The following FGF2 variants were observed in gnomAD, a reference collection of about 807,000 sequenced individuals.
FGF2 encodes fibroblast growth factor 2.
Under a neutral mutation model 15.9 loss-of-function variants are expected in FGF2, and 13 were observed. That is an observed-to-expected ratio of 0.82 (90% CI 0.53 to 1.30). FGF2 has a LOEUF of 1.30. Ranked by LOEUF, FGF2 falls within the 50% of genes most tolerant of loss-of-function variation. FGF2 has a pLI of 0.00. For missense variants in FGF2, 163 were observed against 196.9 expected (o/e 0.83, Z 1.03); for synonymous variants, 90 against 78.4 (o/e 1.15, Z -0.78).
At chr4:122,833,152 T>G (rs1020918472) in intron 1 of FGF2, among the ~76,000 whole-genome samples, 8 of 151,742 alleles carry the variant, frequency 5.3e-5, no homozygotes, top group African/African-American at 1.9e-4. Context: ...TCTTTGATAC[T>G]TACTCATTTA....
At position 122,876,345 on chromosome 4, in the gene FGF2, A is replaced by C. The variant is rs1307758440; in HGVS notation, c.203A>C (p.Glu68Ala). The C allele has an allele frequency of 6.2e-7, 1 of 1,612,440 alleles. No individual in the cohort carries two copies. Among genetic ancestry groups the C allele is most frequent in the African/African-American group, 1.3e-5 (1 of 74,822 alleles). ...GTCAAGCTACAACTTCAAGCAGAAG[A>C]GAGAGGAGTTGTGTCTATCAAAGGA... ...PHIKLQLQAE[E>A]RGVVSIKGVC... The change falls in exon 2 of 3, where the codon GAG (glutamate) becomes GCG (alanine). Residue 68 changes from glutamate (E) to alanine (A), a missense_variant. Physicochemically the swap from Glu to Ala is moderately radical, Grantham distance 107. Coordinates refer to ENST00000644866, the MANE Select transcript of FGF2 (RefSeq NM_001361665.2).
At position 122,826,909 on chromosome 4, in the gene FGF2, G is replaced by T. The variant is rs778297907; in HGVS notation, c.-266G>T. 6.7e-7 allele frequency: 1 copy of T among 1,502,286 alleles called. No homozygotes were observed. The highest frequency in any genetic ancestry group is 8.9e-7 in the Non-Finnish European group (1 of 1,127,638). 93.1% of individuals were successfully genotyped at this position (1,502,286 alleles called of 1,614,324 possible). On this transcript the variant is annotated 5_prime_UTR_variant, in exon 1 of 3. Coordinates refer to ENST00000644866, the MANE Select transcript of FGF2 (RefSeq NM_001361665.2). ...GCTTGGGAGGCGGCTCTCCCCAGGC[G>T]GCGTCCGCGGAGACACCCATCCGTG... is the stretch of plus-strand genomic sequence containing the variant.
chr4:122,865,742 C>T (rs544816308), intron 1 of FGF2, among the ~76,000 whole-genome samples: 1 of 152,114 alleles, frequency 6.6e-6, no homozygotes, highest in African/African-American at 2.4e-5. Context: ...ATAATTTATT[C>T]TTGGGAACGT....
chr4:122,838,312 A>C (rs1412616175), intron 1 of FGF2, among the ~76,000 whole-genome samples: 3 of 152,170 alleles, frequency 2.0e-5, no homozygotes, highest in Non-Finnish European at 4.4e-5. Flanking sequence ...TTTGGCCTTT[A>C]CCACTGCACT....
chr4:122,889,528 A>C (rs2150791221), intron 2 of FGF2, among the ~76,000 whole-genome samples: 1 of 152,312 alleles, frequency 6.6e-6, no homozygotes, highest in South Asian at 2.1e-4. Context: ...TGAAAATTGT[A>C]CATATGTTGC....
chr4:122,891,645 T>C (rs1049040590), intron 2 of FGF2, among the ~76,000 whole-genome samples: 1 of 152,208 alleles, frequency 6.6e-6, no homozygotes, highest in Non-Finnish European at 1.5e-5. Context: ...TTATTATGCC[T>C]TAAAAAACAT....
chr4:122,864,833 G>A (rs1726538937), intron 1 of FGF2, among the ~76,000 whole-genome samples: 1 of 151,960 alleles, frequency 6.6e-6, no homozygotes, highest in East Asian at 1.9e-4. Flanking sequence ...CTTATTTTCA[G>A]TTGTGTTTAA....
intron 1 of FGF2, among the ~76,000 whole-genome samples, chr4:122,838,242 G>A (rs905221538): frequency 5.9e-5 from 9 of 152,302 alleles, no homozygotes; most frequent in African/African-American, 2.2e-4. Context: ...GACAATGAGG[G>A]AGACTGCCAT....
At chr4:122,837,953 T>C (rs1725899241) in intron 1 of FGF2, among the ~76,000 whole-genome samples, 1 of 152,210 alleles carries the variant, frequency 6.6e-6, no homozygotes, top group African/African-American at 2.4e-5. Context: ...AATGTGTTTC[T>C]AAGTGTTAGT....
chr4:122,872,051 A>T (rs968850163), intron 1 of FGF2, among the ~76,000 whole-genome samples: 2 of 152,200 alleles, frequency 1.3e-5, no homozygotes, highest in Non-Finnish European at 2.9e-5. Flanking sequence ...CAGGCTTCAG[A>T]AGATGGGTAA....
At chr4:122,839,647 T>C (rs75734587) in intron 1 of FGF2, among the ~76,000 whole-genome samples, 3,797 of 152,306 alleles carry the variant, frequency 0.025, 145 homozygotes, top group East Asian at 0.12. Flanking sequence ...GAATTTCTAC[T>C]ATGTCGTTTT....
At chr4:122,890,916 G>A (rs1727161300) in intron 2 of FGF2, among the ~76,000 whole-genome samples, 1 of 151,124 alleles carries the variant, frequency 6.6e-6, no homozygotes, top group African/African-American at 2.4e-5. Context: ...TAATTATAAT[G>A]TAAAAATGAT....
chr4:122,834,913 C>T (rs1725833115), intron 1 of FGF2, among the ~76,000 whole-genome samples: 3 of 152,254 alleles, frequency 2.0e-5, no homozygotes, highest in South Asian at 4.1e-4. Flanking sequence ...GTGCAGATAA[C>T]ACCACTATTG....
chr4:122,870,413 T>A (rs1444957181), intron 1 of FGF2, among the ~76,000 whole-genome samples: 1 of 152,204 alleles, frequency 6.6e-6, no homozygotes. Context: ...ATATCAGCTC[T>A]TCTTTGTATT....
Position 122,827,352 on chromosome 4 carries a change from A to G in FGF2, c.178A>G (p.Ile60Val), listed in dbSNP as rs1404216863. Residue 60 changes from isoleucine (I) to valine (V), a missense_variant and splice_region_variant, in exon 1 of 3, where the codon ATC becomes GTC. By Grantham distance (29) the Ile-to-Val change is conservative (BLOSUM62 3). Transcript: ENST00000644866. This position sits in a 1 kb window ranked among gnomAD's most constrained non-coding sequence, Gnocchi z 4.2. ...GGTCCGGGAGAAGAGCGACCCTCAC[A>G]GTGAGTGCCGACCCGCTCTCTCCGC... ...DGVREKSDPH[I>V]KLQLQAEERG... The G allele has an allele frequency of 6.2e-7, 1 of 1,612,576 alleles. No individual in the cohort carries two copies. Among genetic ancestry groups the G allele is most frequent in the Non-Finnish European group, 8.5e-7 (1 of 1,179,854 alleles).
chr4:122,826,701 C>CA (rs1725631826), upstream of FGF2: 27 of 1,256,382 alleles, frequency 2.1e-5, no homozygotes, highest in Non-Finnish European at 2.7e-5. Flanking sequence ...CCGCCGAACT[C>CA]AGAGGCCGGC....
intron 1 of FGF2, among the ~76,000 whole-genome samples, chr4:122,873,601 C>CT (rs1560752908): frequency 6.6e-6 from 1 of 152,122 alleles, no homozygotes; most frequent in Admixed American, 6.5e-5. Context: ...CTATGCATCT[C>CT]TTTTTTGGGA....
intron 1 of FGF2, among the ~76,000 whole-genome samples, chr4:122,836,498 T>G (rs546568778): frequency 1.2e-3 from 181 of 152,334 alleles, no homozygotes; most frequent in Middle Eastern, 0.01. Context: ...TATTTTAATT[T>G]TATGTCCCCC....
At chr4:122,871,130 G>T (rs1281853231) in intron 1 of FGF2, among the ~76,000 whole-genome samples, 1 of 152,124 alleles carries the variant, frequency 6.6e-6, no homozygotes, top group African/African-American at 2.4e-5. Flanking sequence ...TAATTGTGTG[G>T]TTTTGAGTGA....
Sources: allele counts gnomAD v4.1 joint callset (sites outside exome capture counted in the v4.1 genomes callset), GRCh38; gene constraint gnomAD v4.1.1; non-coding constraint Gnocchi (gnomAD v3.1); transcripts MANE v1.5; gene names NCBI Gene and HGNC (gene_info 2026-07-23, HGNC 2026-07-21).